Variants in WDR81 observed in about 807,000 individuals in gnomAD.
WDR81 encodes WD repeat domain 81, also known as WD repeat-containing protein 81.
In WDR81, 92 loss-of-function variants were observed where a neutral mutation model predicts 140.8. The ratio of observed to expected loss-of-function variants is 0.65; its 90% CI spans 0.55 to 0.78. WDR81 has a LOEUF of 0.78. Among genes scored for constraint, WDR81 ranks in the 30% least tolerant of loss-of-function variants. The pLI is 0.00. For synonymous variants in WDR81, 1,183 were observed against 1,156.4 expected (o/e 1.02, Z -0.47); for missense variants, 2,502 against 2,636.4 (o/e 0.95, Z 1.12).
upstream of WDR81, among the ~76,000 whole-genome samples, chr17:1,720,820 G>A (rs887898533): frequency 6.6e-6 from 1 of 151,944 alleles, no homozygotes; most frequent in South Asian, 2.1e-4. Flanking sequence ...ACTGCCCTAG[G>A]GCTCAGATTG....
chr17:1,717,464 C>G (rs1914637527), intron 1 of WDR81, among the ~76,000 whole-genome samples: 1 of 152,174 alleles, frequency 6.6e-6, no homozygotes, highest in South Asian at 2.1e-4. Flanking sequence ...GGGTGAGATC[C>G]TTCCTTCTGT....
At position 1,736,023 on chromosome 17, in the gene WDR81, C is replaced by A; in HGVS notation, c.5326-16C>A. On this transcript the variant is annotated splice_polypyrimidine_tract_variant and intron_variant, in intron 8 of 9. Coordinates refer to ENST00000409644, the MANE Select transcript of WDR81 (RefSeq NM_001163809.2). Reference sequence around the variant, plus strand: ...TGGGAAGGTGGTGCCTCAGCTCAGCCGCCCTCTCCCTGCAGCACGAGTTCC... The same window carrying A: ...TGGGAAGGTGGTGCCTCAGCTCAGCAGCCCTCTCCCTGCAGCACGAGTTCC... 1 of 1,578,906 alleles carries A rather than the reference C, an allele frequency of 6.3e-7. No individual in the cohort carries two copies. The highest frequency in any genetic ancestry group is 8.6e-7 in the Non-Finnish European group (1 of 1,167,738).
In WDR81 at chr17:1,727,911, G is replaced by C. The variant is rs1238256241; in HGVS notation, c.2952G>C (p.Thr984=). ...CQLHGRFYLY[T]DCFVAQLMVR... Reference sequence around the variant, plus strand: ...TACACGGCCGCTTCTACCTGTACACGGACTGCTTTGTGGCCCAGCTGATGG... The same window carrying C: ...TACACGGCCGCTTCTACCTGTACACCGACTGCTTTGTGGCCCAGCTGATGG... The change falls in exon 1 of 10, where the codon ACG becomes ACC. Residue 984 remains threonine (T), a synonymous_variant. Transcript: ENST00000409644. 1 of 1,550,550 alleles carries C rather than the reference G, an allele frequency of 6.4e-7. No individual in the cohort carries two copies. The highest frequency in any genetic ancestry group is 8.7e-7 in the Non-Finnish European group (1 of 1,147,050).
At position 1,737,723 on chromosome 17, in the gene WDR81, A is replaced by T; in HGVS notation, c.*38A>T. On this transcript the variant is annotated 3_prime_UTR_variant, in exon 10 of 10. Transcript: ENST00000409644. ...GCTGGCCGGGCAAGGGTGGGAAGAC[A>T]TCTGCGGGCGCGTGTCCACTCACCC... 1 of 1,563,940 alleles carries T rather than the reference A, an allele frequency of 6.4e-7. No individual in the cohort carries two copies. Among genetic ancestry groups the T allele is most frequent in the East Asian group, 2.3e-5 (1 of 44,284 alleles).
chr17:1,731,640 A>G (rs1904357865), intron 4 of WDR81, among the ~76,000 whole-genome samples: 1 of 152,026 alleles, frequency 6.6e-6, no homozygotes, highest in African/African-American at 2.4e-5. Context: ...GTGGTGTCTC[A>G]CCCCTGTAAT....
upstream of WDR81, among the ~76,000 whole-genome samples, chr17:1,721,863 C>A (rs1269702522): frequency 6.7e-6 from 1 of 150,046 alleles, no homozygotes; most frequent in Non-Finnish European, 1.5e-5. Flanking sequence ...GTGGCTCACA[C>A]CTGTAATCCC....
chr17:1,723,548 C>T (rs976999290), upstream of WDR81, among the ~76,000 whole-genome samples: 1 of 150,668 alleles, frequency 6.6e-6, no homozygotes, highest in African/African-American at 2.4e-5. Flanking sequence ...TACAGTGGCG[C>T]CATCTCGGCT....
At chr17:1,724,467 G>T, upstream of WDR81, 1 of 985,312 alleles carries the variant, frequency 1.0e-6, no homozygotes, top group Non-Finnish European at 1.2e-6. Context: ...CCCGCGCGCT[G>T]GTGCGTGCTG....
rs751977563 is a variant in WDR81, at chr17:1,734,207, C to A, written c.5170C>A (p.Pro1724Thr). ...TGACGGGGCTGTGCACGTCTGGGACCCCTTCACAGGTGAGCGGGCCCAGGT... is the reference window on the plus strand; with the variant it reads ...TGACGGGGCTGTGCACGTCTGGGACACCTTCACAGGTGAGCGGGCCCAGGT... ...SCDGAVHVWD[P>T]FTGKTLRTVE... The change falls in exon 7 of 10, where the codon CCC becomes ACC. Residue 1724 changes from proline (P) to threonine (T), a missense_variant. Physicochemically the swap from Pro to Thr is conservative, Grantham distance 38 (BLOSUM62 -1). Coordinates refer to ENST00000409644, the MANE Select transcript of WDR81 (RefSeq NM_001163809.2). 5 of 1,586,438 alleles carry A rather than the reference C, an allele frequency of 3.2e-6. No individual in the cohort carries two copies. Among genetic ancestry groups the A allele is most frequent in the Non-Finnish European group, 3.4e-6 (4 of 1,172,108 alleles).
rs200373383 is a variant in WDR81 at position 1,733,646 on chromosome 17, G to A, written c.4609G>A (p.Gly1537Ser). The A allele has an allele frequency of 2.9e-5, 47 of 1,604,988 alleles. No homozygotes were observed. The highest frequency in any genetic ancestry group is 8.0e-5 in the African/African-American group (6 of 74,876). Residue 1537 changes from glycine to serine, a missense_variant, in exon 7 of 10, where the codon GGC becomes AGC. This residue lies in a region of WDR81 where 1,737 missense variants were observed against 1,843.0 expected (regional missense o/e 0.94). Coordinates refer to ENST00000409644, the MANE Select transcript of WDR81 (RefSeq NM_001163809.2). Reference protein sequence around the residue: ...NPASVEPTMPGTGPEWDPHGG... With the variant: ...NPASVEPTMPSTGPEWDPHGG... ...TGCCAGCGTGGAGCCCACCATGCCC[G>A]GCACCGGGCCCGAGTGGGACCCCCA... is the stretch of plus-strand genomic sequence containing the variant.
intron 1 of WDR81, chr17:1,717,069 T>G (rs543268242): frequency 1.9e-4 from 38 of 198,394 alleles, no homozygotes; most frequent in Non-Finnish European, 3.7e-4. Flanking sequence ...TGGTCAGAAA[T>G]TAGGGGATGG....
rs186162259 is a variant in WDR81, at chr17:1,737,735, G to A, written c.*50G>A. On this transcript the variant is annotated 3_prime_UTR_variant, in exon 10 of 10. Transcript: ENST00000409644. ...AGGGTGGGAAGACATCTGCGGGCGC[G>A]TGTCCACTCACCCTGTTCCCTGAGC... The A allele has an allele frequency of 5.2e-4, 806 of 1,540,496 alleles. 6 individuals carry two copies. In the African/African-American group the frequency reaches 9.2e-3, roughly 18 times the overall value.
Position 1,736,194 on chromosome 17 carries a change from C to G in WDR81, c.5481C>G (p.His1827Gln), listed in dbSNP as rs377391381. Residue 1827 changes from histidine to glutamine, a missense_variant, in exon 9 of 10, where the codon CAC becomes CAG. Physicochemically the swap from His to Gln is conservative, Grantham distance 24 (BLOSUM62 0). Coordinates refer to ENST00000409644, the MANE Select transcript of WDR81 (RefSeq NM_001163809.2). ...TGGTTCTGCGAGGCTGGCCAGCCCA[C>G]GAGGGGGACATTCTGCAGATCAAGG... ...TGLVLRGWPAHEGDILQIKAV... is the reference protein window; with the variant it reads ...TGLVLRGWPAQEGDILQIKAV... The G allele has an allele frequency of 9.4e-6, 15 of 1,598,468 alleles. No homozygotes were observed. The highest frequency in any genetic ancestry group is 1.1e-5 in the Non-Finnish European group (13 of 1,179,504).
chr17:1,731,280 T>A (rs1375468962), intron 4 of WDR81, 22 bp downstream of exon 4: 1 of 1,609,804 alleles, frequency 6.2e-7, no homozygotes, highest in African/African-American at 1.3e-5. Flanking sequence ...CCCCAGCTGA[T>A]GTAGGGGGAC....
upstream of WDR81, among the ~76,000 whole-genome samples, chr17:1,723,804 C>A (rs1173518992): frequency 6.6e-6 from 1 of 151,922 alleles, no homozygotes; most frequent in Non-Finnish European, 1.5e-5. Context: ...TTTTAAAAAG[C>A]CGTGAGAGGG....
Position 1,724,931 on chromosome 17 carries a change from C to T in WDR81, c.-29C>T. ...AGCAGGGCCGTGGCTGGGCTCAGCC[C>T]CGCGCTGCCCCCGGGCGGCCTGGAG... On this transcript the variant is annotated 5_prime_UTR_variant, in exon 1 of 10. Transcript: ENST00000409644. The T allele has an allele frequency of 7.2e-7, 1 of 1,383,256 alleles. No individual in the cohort carries two copies. 85.7% of individuals were successfully genotyped at this position (1,383,256 alleles called of 1,614,324 possible). A position where few individuals can be genotyped will look rare whatever the true frequency, so the allele number is the denominator to read the frequency against.
rs764844314 is a variant in WDR81, at chr17:1,735,732, G to A, written c.5325+15G>A. On this transcript the variant is annotated intron_variant, in intron 8 of 9. Transcript: ENST00000409644. The surrounding 1 kb of genome is among the most constrained non-coding windows in gnomAD (Gnocchi z 4.2). ...CTGGTCTGCAGGTCAGGGGGGTCCA[G>A]TTCCCTGAGCACTCGCCTGGTTCTC... 10 of 1,604,890 alleles carry A rather than the reference G, an allele frequency of 6.2e-6. 1 individual carries two copies. The South Asian group carries it at 1.0e-4, about 16-fold the overall frequency.
chr17:1,733,689 A>G lies in WDR81; in HGVS notation c.4652A>G (p.Gln1551Arg). ...EWDPHGGGCPQDDGHSGTFGS... is the reference protein window; with the variant it reads ...EWDPHGGGCPRDDGHSGTFGS... ...GACCCCCATGGTGGGGGCTGCCCTC[A>G]GGATGACGGCCACTCAGGGACCTTT... The change falls in exon 7 of 10, where the codon CAG becomes CGG. Residue 1551 changes from glutamine (Q) to arginine (R), a missense_variant. Physicochemically the swap from Gln to Arg is conservative, Grantham distance 43. This residue lies in a region of WDR81 where 1,737 missense variants were observed against 1,843.0 expected (regional missense o/e 0.94). Coordinates refer to ENST00000409644, the MANE Select transcript of WDR81 (RefSeq NM_001163809.2). 1 of 1,612,184 alleles carries G rather than the reference A, an allele frequency of 6.2e-7. No individual in the cohort carries two copies. The highest frequency in any genetic ancestry group is 8.5e-7 in the Non-Finnish European group (1 of 1,179,640).
In WDR81 at chr17:1,735,812, T is replaced by C. The variant is rs1267324027; in HGVS notation, c.5325+95T>C. 3 of 1,486,740 alleles carry C rather than the reference T, an allele frequency of 2.0e-6. No homozygotes were observed. The highest frequency in any genetic ancestry group is 4.7e-5 in the East Asian group (2 of 42,948). 92.1% of individuals were successfully genotyped at this position (1,486,740 alleles called of 1,614,324 possible). On this transcript the variant is annotated intron_variant, in intron 8 of 9. Coordinates refer to ENST00000409644, the MANE Select transcript of WDR81 (RefSeq NM_001163809.2). This position sits in a 1 kb window ranked among gnomAD's most constrained non-coding sequence, Gnocchi z 4.2. ...CAAAAACAGAAAGCCAGGATGTTGTTCTGGGGCCCTAGTTAGTTTCTCTTT... is the reference window on the plus strand; with the variant it reads ...CAAAAACAGAAAGCCAGGATGTTGTCCTGGGGCCCTAGTTAGTTTCTCTTT...
Sources: gnomAD v4.1 joint callset for allele counts (sites outside exome capture counted in the v4.1 genomes callset) on GRCh38, gnomAD v4.1.1 for gene constraint, gnomAD v4.1.1 regional missense constraint, Gnocchi (gnomAD v3.1) non-coding constraint, MANE v1.5 for transcripts, NCBI Gene and HGNC (gene_info 2026-07-23, HGNC 2026-07-21) for gene names.